KCNAB1: variants seen among roughly 807,000 people sequenced by gnomAD.
KCNAB1 encodes the protein voltage-gated potassium channel subunit beta-1.
Under a neutral mutation model 64.6 loss-of-function variants are expected in KCNAB1, and 35 were observed. That is an observed-to-expected ratio of 0.54 (90% confidence interval 0.41 to 0.72). The LOEUF is 0.72. Among genes scored for constraint, KCNAB1 ranks in the 30% least tolerant of loss-of-function variants. KCNAB1 has a pLI of 0.00. For missense variants in KCNAB1, 401 were observed against 512.9 expected (o/e 0.78, Z 2.11); for synonymous variants, 177 against 183.8 (o/e 0.96, Z 0.30).
chr3:156,382,517 A>AAACC (rs1184049185), intron 1 of KCNAB1, among the ~76,000 whole-genome samples: 1 of 151,856 alleles, frequency 6.6e-6, no homozygotes, highest in South Asian at 2.1e-4. Context: ...ACAAACAAAA[A>AAACC]AACCAACCAA....
At chr3:156,221,895 C>T (rs1715787909) in intron 1 of KCNAB1, among the ~76,000 whole-genome samples, 1 of 152,020 alleles carries the variant, frequency 6.6e-6, no homozygotes, top group African/African-American at 2.4e-5. Flanking sequence ...CAAGCCAGCA[C>T]TGTAAGAACT....
intron 1 of KCNAB1, among the ~76,000 whole-genome samples, chr3:156,223,162 C>A (rs1328693858): frequency 6.6e-6 from 1 of 152,194 alleles, no homozygotes; most frequent in Non-Finnish European, 1.5e-5. Context: ...GGTTTGTGGT[C>A]TCACTGGCTT....
intron 1 of KCNAB1, among the ~76,000 whole-genome samples, chr3:156,295,049 AACAG>A (rs2107975261): frequency 6.6e-6 from 1 of 152,374 alleles, no homozygotes; most frequent in South Asian, 2.1e-4. Flanking sequence ...AAGTTGAAGA[AACAG>A]ACCATAAATA....
intron 1 of KCNAB1, among the ~76,000 whole-genome samples, chr3:156,126,060 G>T (rs1713637632): frequency 6.6e-6 from 1 of 152,136 alleles, no homozygotes; most frequent in Non-Finnish European, 1.5e-5. Context: ...TGGAAGATGT[G>T]CAGGATTTGA....
At chr3:156,238,969 C>T (rs1717011875) in intron 1 of KCNAB1, among the ~76,000 whole-genome samples, 1 of 152,076 alleles carries the variant, frequency 6.6e-6, no homozygotes, top group Non-Finnish European at 1.5e-5. Context: ...ACTTAAGTTT[C>T]CTTAAGTTTC....
At chr3:156,120,487 T>C (rs968698601), upstream of KCNAB1, 4 of 1,096,304 alleles carry the variant, frequency 3.6e-6, no homozygotes, top group African/African-American at 6.3e-5. Context: ...AATTACAGCT[T>C]TGTGGCAGGA....
At chr3:156,387,014 C>CTCTTTTTTTTTTTTTTT (rs60888308) in intron 1 of KCNAB1, among the ~76,000 whole-genome samples, 922 of 90,366 alleles carry the variant, frequency 0.01, 45 homozygotes, top group Non-Finnish European at 0.013. Flanking sequence ...TTCTCTCTCT[C>CTCTTTTTTTTTTTTTTT]TTTTTTTTTT....
chr3:156,490,783 G>A (rs939188204), intron 8 of KCNAB1, among the ~76,000 whole-genome samples: 11 of 152,152 alleles, frequency 7.2e-5, no homozygotes, highest in East Asian at 5.8e-4. Context: ...GGGAGTTATC[G>A]CAAAGCAATA....
intron 1 of KCNAB1, among the ~76,000 whole-genome samples, chr3:156,284,921 C>A (rs149163421): frequency 1.3e-5 from 2 of 152,194 alleles, no homozygotes; most frequent in Non-Finnish European, 2.9e-5. Context: ...AGAAATCACC[C>A]GTCTTCGTCG....
At chr3:156,235,128 A>G (rs1444825232) in intron 1 of KCNAB1, among the ~76,000 whole-genome samples, 1 of 152,088 alleles carries the variant, frequency 6.6e-6, no homozygotes, top group Non-Finnish European at 1.5e-5. Flanking sequence ...AGAAAATTTT[A>G]TTTGCTGGTA....
chr3:156,382,848 A>G (rs900221196), intron 1 of KCNAB1, among the ~76,000 whole-genome samples: 5 of 152,208 alleles, frequency 3.3e-5, no homozygotes, highest in South Asian at 2.1e-4. Context: ...GCAATGAAAA[A>G]GAAGCCTGAG....
At chr3:156,122,542 ACAAT>A (rs1288192739) in intron 1 of KCNAB1, among the ~76,000 whole-genome samples, 1 of 152,190 alleles carries the variant, frequency 6.6e-6, no homozygotes, top group Non-Finnish European at 1.5e-5. Flanking sequence ...CTTCACTTAA[ACAAT>A]AATATTTTGT....
chr3:156,200,362 T>G (rs959971994), intron 1 of KCNAB1, among the ~76,000 whole-genome samples: 1 of 152,202 alleles, frequency 6.6e-6, no homozygotes, highest in Non-Finnish European at 1.5e-5. Context: ...TGCTGGGAGA[T>G]CCACTGCTCT....
At chr3:156,438,472 T>A (rs990930993) in intron 2 of KCNAB1, among the ~76,000 whole-genome samples, 32 of 152,252 alleles carry the variant, frequency 2.1e-4, no homozygotes, top group African/African-American at 7.7e-4. Flanking sequence ...TACATTTTTC[T>A]AAGCTTTGTT....
chr3:156,206,195 G>A (rs562046264), intron 1 of KCNAB1, among the ~76,000 whole-genome samples: 1 of 152,226 alleles, frequency 6.6e-6, no homozygotes, highest in East Asian at 1.9e-4. Flanking sequence ...AGATCCCTGG[G>A]GATCTGTCTC....
At chr3:156,416,787 C>T (rs1195208631) in intron 1 of KCNAB1, among the ~76,000 whole-genome samples, 1 of 152,138 alleles carries the variant, frequency 6.6e-6, no homozygotes, top group East Asian at 1.9e-4. Context: ...TTTTTCCACA[C>T]TTCTCTAGAC....
chr3:156,536,786 G>A lies in KCNAB1; in HGVS notation c.*39G>A, dbSNP rs1315711265. ...CCACAGAAGCTGCATGGTTAAAATA[G>A]CGGCCTGTGCCCAGTACAGAAAGGT... On this transcript the variant is annotated 3_prime_UTR_variant, in exon 14 of 14. Transcript: ENST00000490337. The A allele has an allele frequency of 2.9e-6, 4 of 1,383,496 alleles. No homozygotes were observed. The highest frequency in any genetic ancestry group is 1.4e-5 in the African/African-American group (1 of 70,262). 85.7% of individuals were successfully genotyped at this position (1,383,496 alleles called of 1,614,324 possible). A position where few individuals can be genotyped will look rare whatever the true frequency, so the allele number is the denominator to read the frequency against.
At position 156,465,683 on chromosome 3, in the gene KCNAB1, G is replaced by A. The variant is rs2108302598; in HGVS notation, c.568G>A (p.Glu190Lys). The change falls in exon 7 of 14, where the codon GAA (glutamate) becomes AAA (lysine). Residue 190 changes from glutamate (E) to lysine (K), a missense_variant. Physicochemically the swap from Glu to Lys is moderately conservative, Grantham distance 56 (BLOSUM62 1). Transcript: ENST00000490337. ...ERGLSRKHII[E>K]GLKGSLQRLQ... Reference sequence around the variant, plus strand: ...AGGGCTGTCAAGAAAGCATATTATTGAAGGTGGGTACTTCTGCTTCAATTT... The same window carrying A: ...AGGGCTGTCAAGAAAGCATATTATTAAAGGTGGGTACTTCTGCTTCAATTT... The A allele has an allele frequency of 6.2e-7, 1 of 1,612,682 alleles. No homozygotes were observed. Among genetic ancestry groups the A allele is most frequent in the Non-Finnish European group, 8.5e-7 (1 of 1,178,810 alleles).
chr3:156,323,631 T>C (rs970986642), intron 1 of KCNAB1, among the ~76,000 whole-genome samples: 4 of 152,196 alleles, frequency 2.6e-5, no homozygotes, highest in African/African-American at 4.8e-5. Flanking sequence ...GTTTCTTTTA[T>C]GTTGGTAAAG....
Sources: gnomAD v4.1 joint callset for allele counts (sites outside exome capture counted in the v4.1 genomes callset) on GRCh38, gnomAD v4.1.1 for gene constraint, MANE v1.5 for transcripts, NCBI Gene and HGNC (gene_info 2026-07-23, HGNC 2026-07-21) for gene names.